XKR9: variants seen among roughly 807,000 people sequenced by gnomAD.
XKR9 encodes the protein XK-related protein 9.
XKR9 carries 32 observed loss-of-function variants against 32.0 expected under a neutral mutation model. The observed-to-expected ratio is 1.00, with a 90% CI of 0.76 to 1.34. The LOEUF (loss-of-function observed/expected upper bound fraction) is 1.34, where lower values mean the gene tolerates loss of function less well. Ranked by LOEUF, XKR9 falls within the 40% of genes most tolerant of loss-of-function variation. The probability of loss-of-function intolerance (pLI) is 0.00; values close to 1 mark genes in which losing one functional copy is unlikely to be tolerated. For synonymous variants in XKR9, 168 were observed against 143.4 expected (o/e 1.17, Z -1.22); for missense variants, 546 against 429.7 (o/e 1.27, Z -2.39).
the XKR9 span, among the ~76,000 whole-genome samples, chr8:70,980,358 C>A: frequency 1.3e-3 from 205 of 152,342 alleles, no homozygotes; most frequent in African/African-American, 4.4e-3. Flanking sequence ...ATGCTCGGAG[C>A]TCCAGACTGG....
At chr8:70,865,524 T>G in the XKR9 span, among the ~76,000 whole-genome samples, 1 of 152,102 alleles carries the variant, frequency 6.6e-6, no homozygotes, top group African/African-American at 2.4e-5. Flanking sequence ...TAATTTTCAA[T>G]TTTTTTAAAG....
chr8:70,699,090 G>C (rs539573951), intron 3 of XKR9, among the ~76,000 whole-genome samples: 8 of 152,110 alleles, frequency 5.3e-5, no homozygotes, highest in Non-Finnish European at 1.2e-4. Flanking sequence ...CTGCACGTGA[G>C]ATGGGTTTCC....
chr8:70,713,946 A>C (rs1465059095), intron 4 of XKR9, among the ~76,000 whole-genome samples: 1 of 152,132 alleles, frequency 6.6e-6, no homozygotes, highest in Admixed American at 6.6e-5. Flanking sequence ...AGTTCTAGAG[A>C]CTAGATGTCC....
the XKR9 span, among the ~76,000 whole-genome samples, chr8:71,001,453 G>A: frequency 1.2e-4 from 18 of 152,192 alleles, no homozygotes; most frequent in Non-Finnish European, 2.1e-4. Flanking sequence ...TGTAGACACA[G>A]CATTTTGCTA....
In XKR9 at chr8:70,734,845, C is replaced by A. The variant is rs943060990; in HGVS notation, c.*421C>A. On this transcript the variant is annotated 3_prime_UTR_variant, in exon 5 of 5. Coordinates refer to ENST00000408926, the MANE Select transcript of XKR9 (RefSeq NM_001011720.2). ...CAGTGCATATATTTGCAGTTGGGGA[C>A]AGGTTGAGTAGAGGAAAAGGGAAAG... 1 of 152,514 alleles carries A rather than the reference C, an allele frequency of 6.6e-6. No homozygotes were observed. The highest frequency in any genetic ancestry group is 6.5e-5 in the Admixed American group (1 of 15,272). 9.4% of individuals were successfully genotyped at this position (152,514 alleles called of 1,614,324 possible). A position where few individuals can be genotyped will look rare whatever the true frequency, so the allele number is the denominator to read the frequency against.
At chr8:70,753,669 T>G (rs2130189487) in intron 2 of XKR9, among the ~76,000 whole-genome samples, 1 of 152,126 alleles carries the variant, frequency 6.6e-6, no homozygotes, top group African/African-American at 2.4e-5. Context: ...AAAAACCACA[T>G]GATTATCTCA....
chr8:70,886,660 TC>T, the XKR9 span, among the ~76,000 whole-genome samples: 5,748 of 151,744 alleles, frequency 0.038, 151 homozygotes, highest in South Asian at 0.079. Flanking sequence ...GCTTTTTTTT[TC>T]ATATGTTTAT....
Position 70,724,518 on chromosome 8 carries a change from G to A in XKR9, c.494-9278G>A, listed in dbSNP as rs184485728. 1.4e-4 allele frequency among the ~76,000 whole-genome samples: 21 copies of A among 152,234 alleles called. No homozygotes were observed. The East Asian group carries it at 3.5e-3, about 25-fold the overall frequency. On this transcript the variant is annotated intron_variant, in intron 4 of 4. Transcript: ENST00000408926. ...TGCTTGAAACCCCAGGGCCCTGGTG[G>A]TGTAGGCACATGAAGGTTCTCCTGG...
chr8:70,742,260 G>C (rs1806997984), intron 2 of XKR9, among the ~76,000 whole-genome samples: 1 of 152,210 alleles, frequency 6.6e-6, no homozygotes, highest in Non-Finnish European at 1.5e-5. Flanking sequence ...AAGTTAAGCA[G>C]TGTGAACCAT....
At chr8:70,978,554 A>G in the XKR9 span, among the ~76,000 whole-genome samples, 4 of 152,156 alleles carry the variant, frequency 2.6e-5, no homozygotes, top group East Asian at 1.9e-4. Flanking sequence ...AGAATGTTGA[A>G]TATCGGCCCC....
chr8:70,888,229 C>A, the XKR9 span, among the ~76,000 whole-genome samples: 1 of 151,854 alleles, frequency 6.6e-6, no homozygotes, highest in Non-Finnish European at 1.5e-5. Context: ...ATCTGTAGCC[C>A]ATTTGTGTAT....
At chr8:70,695,332 G>C (rs268608) in intron 3 of XKR9, among the ~76,000 whole-genome samples, 58,336 of 68,686 alleles carry the variant, frequency 0.85, 24,661 homozygotes, top group Middle Eastern at 0.93. Context: ...CCCCCCTCCC[G>C]CCACCCCACA....
the XKR9 span, among the ~76,000 whole-genome samples, chr8:70,925,197 C>G: frequency 6.6e-6 from 1 of 152,156 alleles, no homozygotes; most frequent in Non-Finnish European, 1.5e-5. Flanking sequence ...TAATCATGTA[C>G]TTAAATTTAT....
At chr8:70,740,738 C>A (rs189221466), downstream of XKR9, among the ~76,000 whole-genome samples, 1 of 152,204 alleles carries the variant, frequency 6.6e-6, no homozygotes, top group South Asian at 2.1e-4. Flanking sequence ...CCACTCCAGA[C>A]CCTGTTTGCC....
intron 3 of XKR9, among the ~76,000 whole-genome samples, chr8:70,704,672 A>G (rs946272115): frequency 2.6e-5 from 4 of 152,168 alleles, no homozygotes; most frequent in African/African-American, 9.7e-5. Context: ...GTGTGTAATA[A>G]TTATGCTCTG....
chr8:70,887,639 A>G, the XKR9 span, among the ~76,000 whole-genome samples: 14 of 152,038 alleles, frequency 9.2e-5, no homozygotes, highest in Non-Finnish European at 1.5e-4. Flanking sequence ...GAGGTCCTTC[A>G]CGTCCCTTTA....
the XKR9 span, among the ~76,000 whole-genome samples, chr8:70,805,160 C>T: frequency 6.6e-6 from 1 of 151,902 alleles, no homozygotes; most frequent in Non-Finnish European, 1.5e-5. Flanking sequence ...GCACAGCGGC[C>T]CACCTAAGAG....
intron 2 of XKR9, among the ~76,000 whole-genome samples, chr8:70,742,749 T>C (rs922307113): frequency 2.6e-5 from 4 of 152,146 alleles, no homozygotes; most frequent in Non-Finnish European, 5.9e-5. Context: ...CTCCATTGTT[T>C]CTGATAAAAA....
chr8:70,796,633 C>T, the XKR9 span, among the ~76,000 whole-genome samples: 1 of 151,988 alleles, frequency 6.6e-6, no homozygotes, highest in African/African-American at 2.4e-5. Context: ...AATAATGTTA[C>T]AAAATTTATT....
Sources: allele counts gnomAD v4.1 joint callset (sites outside exome capture counted in the v4.1 genomes callset), GRCh38; gene constraint gnomAD v4.1.1; transcripts MANE v1.5; gene names NCBI Gene and HGNC (gene_info 2026-07-23, HGNC 2026-07-21).